Variants in AOPEP observed in about 807,000 individuals in gnomAD.
AOPEP encodes aminopeptidase O.
In AOPEP, 77 loss-of-function variants were observed where a neutral mutation model predicts 98.1. The observed-to-expected ratio is 0.78, with a 90% CI of 0.65 to 0.95. AOPEP has a LOEUF of 0.95. AOPEP is among the 40% of genes least tolerant of loss of function. AOPEP has a pLI of 0.00. For missense variants in AOPEP, 1,024 were observed against 1,024.7 expected, an observed-to-expected ratio of 1.00 and a Z score of 0.01; for synonymous variants, 346 against 365.3, an observed-to-expected ratio of 0.95 and a Z score of 0.60.
chr9:95,095,836 C>T, the AOPEP span, among the ~76,000 whole-genome samples: 76 of 142,732 alleles, frequency 5.3e-4, no homozygotes, highest in African/African-American at 1.9e-3. Context: ...GTGACCTGCA[C>T]GCAGGGGTGT....
intron 11 of AOPEP, among the ~76,000 whole-genome samples, chr9:94,989,830 C>G (rs2060779147): frequency 6.6e-6 from 1 of 151,344 alleles, no homozygotes; most frequent in South Asian, 2.1e-4. Flanking sequence ...AGGCTGGTCT[C>G]AAACTCCTGA....
intron 1 of AOPEP, among the ~76,000 whole-genome samples, chr9:94,747,167 A>C (rs1834694244): frequency 6.6e-6 from 1 of 152,196 alleles, no homozygotes; most frequent in Admixed American, 6.5e-5. Context: ...AGACTGTTTA[A>C]AACTTGAGAC....
At chr9:95,091,796 C>T (rs1046034008), downstream of AOPEP, among the ~76,000 whole-genome samples, 17 of 152,212 alleles carry the variant, frequency 1.1e-4, no homozygotes, top group African/African-American at 3.4e-4. Flanking sequence ...GGCCGGCAGC[C>T]GAGCCTGGGG....
chr9:95,111,621 A>G, the AOPEP span: 2 of 1,614,174 alleles, frequency 1.2e-6, no homozygotes, highest in Non-Finnish European at 1.7e-6. Flanking sequence ...CAGCTCTCAA[A>G]GGGACCTCCG....
chr9:94,933,728 T>TTATTTA, intron 7 of AOPEP: 1 of 914,268 alleles, frequency 1.1e-6, no homozygotes, highest in East Asian at 1.2e-4. Context: ...TAGGAAGCCT[T>TTATTTA]TTTTTATTTT....
intron 13 of AOPEP, among the ~76,000 whole-genome samples, chr9:95,042,515 A>T (rs2065426221): frequency 1.3e-5 from 2 of 152,202 alleles, no homozygotes; most frequent in South Asian, 4.1e-4. Context: ...AAACAAATTT[A>T]TTATAGTATC....
intron 9 of AOPEP, among the ~76,000 whole-genome samples, chr9:94,957,074 C>T (rs1247200973): frequency 1.3e-5 from 2 of 152,210 alleles, no homozygotes; most frequent in Non-Finnish European, 2.9e-5. Context: ...AGCCACTTCT[C>T]ACCAAGAGAC....
At chr9:94,809,656 T>C (rs1850033587) in intron 5 of AOPEP, among the ~76,000 whole-genome samples, 1 of 152,264 alleles carries the variant, frequency 6.6e-6, no homozygotes, top group Non-Finnish European at 1.5e-5. Context: ...CCCATGCTTT[T>C]CTGTTTATAG....
chr9:95,128,661 G>A, the AOPEP span, among the ~76,000 whole-genome samples: 2 of 152,176 alleles, frequency 1.3e-5, no homozygotes, highest in African/African-American at 4.8e-5. Context: ...TCTTCTGTGC[G>A]CTGTTTTCTA....
intron 5 of AOPEP, among the ~76,000 whole-genome samples, chr9:94,844,945 A>G (rs1166350595): frequency 6.6e-6 from 1 of 152,220 alleles, no homozygotes; most frequent in Non-Finnish European, 1.5e-5. Flanking sequence ...GAAAAAAAAG[A>G]TGAAGTCCAA....
At chr9:94,981,122 C>G (rs891144415) in intron 11 of AOPEP, among the ~76,000 whole-genome samples, 1 of 152,178 alleles carries the variant, frequency 6.6e-6, no homozygotes, top group African/African-American at 2.4e-5. Context: ...CAGAAGCAGG[C>G]GCACTCCACT....
chr9:95,040,493 A>G (rs990131658), intron 13 of AOPEP, among the ~76,000 whole-genome samples: 4 of 152,194 alleles, frequency 2.6e-5, no homozygotes. Context: ...AAGGAACGGC[A>G]TTGAGGCCCA....
chr9:94,983,063 T>C (rs911568957), intron 11 of AOPEP, among the ~76,000 whole-genome samples: 1 of 152,188 alleles, frequency 6.6e-6, no homozygotes, highest in African/African-American at 2.4e-5. Context: ...AGTCTCGCTT[T>C]GTCACCCAGG....
At chr9:94,797,571 A>G (rs1003779217) in intron 4 of AOPEP, among the ~76,000 whole-genome samples, 4 of 152,188 alleles carry the variant, frequency 2.6e-5, no homozygotes, top group Non-Finnish European at 5.9e-5. Flanking sequence ...TTTATATTTT[A>G]AGTATAATTA....
intron 1 of AOPEP, among the ~76,000 whole-genome samples, chr9:94,735,873 G>C (rs1329490866): frequency 6.6e-6 from 1 of 152,094 alleles, no homozygotes; most frequent in Non-Finnish European, 1.5e-5. Flanking sequence ...TGTCCCTGTG[G>C]ATTTGCCTAT....
At position 94,924,046 on chromosome 9, in the gene AOPEP, C is replaced by T; in HGVS notation, c.1425C>T (p.Thr475=). The T allele has an allele frequency of 2.0e-6, 3 of 1,520,868 alleles. No homozygotes were observed. Among genetic ancestry groups the T allele is most frequent in the Non-Finnish European group, 2.7e-6 (3 of 1,131,374 alleles). The allele number at this position is 1,520,868 out of a possible 1,614,324, so 94.2% of individuals were successfully genotyped here. A position where few individuals can be genotyped will look rare whatever the true frequency, so the allele number is the denominator to read the frequency against. ...CAGGAGGGAACCATCTCTGTGGGACCCGCCTCTGCCATGAAATTGCCCATG... is the reference window on the plus strand; with the variant it reads ...CAGGAGGGAACCATCTCTGTGGGACTCGCCTCTGCCATGAAATTGCCCATG... ...ILTGGNHLCG[T]RLCHEIAHAW... Residue 475 remains threonine, a synonymous_variant, in exon 6 of 17, where the codon ACC becomes ACT. Transcript: ENST00000375315.
intron 3 of AOPEP, among the ~76,000 whole-genome samples, chr9:94,776,795 G>A (rs1460942186): frequency 1.3e-5 from 2 of 151,740 alleles, no homozygotes; most frequent in African/African-American, 2.4e-5. Flanking sequence ...ATAACTTTTT[G>A]TATTATGTAT....
At chr9:95,077,686 G>A (rs1446378225) in intron 14 of AOPEP, among the ~76,000 whole-genome samples, 1 of 152,166 alleles carries the variant, frequency 6.6e-6, no homozygotes, top group South Asian at 2.1e-4. Flanking sequence ...TGATGCAGGA[G>A]GGCAGAGCAT....
At position 94,955,899 on chromosome 9, in the gene AOPEP, T is replaced by G. The variant is rs1323257895; in HGVS notation, c.1765-9T>G. 14 of 1,594,390 alleles carry G rather than the reference T, an allele frequency of 8.8e-6. No homozygotes were observed. Among genetic ancestry groups the G allele is most frequent in the African/African-American group, 1.4e-5 (1 of 73,874 alleles). On this transcript the variant is annotated splice_polypyrimidine_tract_variant and intron_variant, in intron 8 of 16. Transcript: ENST00000375315. The stretch of plus-strand genomic sequence containing the variant: ...GCCTCTTTTTCTCTCTCTTTTTTCT[T>G]TCTTCTAGGGCTACTTCCTTCTTCG...
Sources: gnomAD v4.1 joint callset for allele counts (sites outside exome capture counted in the v4.1 genomes callset) on GRCh38, gnomAD v4.1.1 for gene constraint, MANE v1.5 for transcripts, NCBI Gene and HGNC (gene_info 2026-07-23, HGNC 2026-07-21) for gene names.